The following ATG14 variants were observed in gnomAD, a reference collection of about 807,000 sequenced individuals.
ATG14 encodes beclin 1-associated autophagy-related key regulator.
Under a neutral mutation model 60.4 loss-of-function variants are expected in ATG14, and 35 were observed. The observed-to-expected ratio is 0.58, with a 90% CI of 0.44 to 0.77. The LOEUF is 0.77. Ranked by LOEUF, ATG14 falls within the 30% of genes least tolerant of loss-of-function variation. ATG14 has a pLI of 0.00. For synonymous variants in ATG14, 234 were observed against 228.8 expected, an observed-to-expected ratio of 1.02 and a Z score of -0.21; for missense variants, 647 against 626.3, an observed-to-expected ratio of 1.03 and a Z score of -0.35.
Position 55,369,782 on chromosome 14 carries a change from G to C in ATG14, c.1316C>G (p.Pro439Arg), listed in dbSNP as rs1197749036. 2.5e-6 allele frequency: 4 copies of C among 1,614,184 alleles called. No homozygotes were observed. The highest frequency in any genetic ancestry group is 2.2e-5 in the South Asian group (2 of 91,078). Residue 439 changes from proline (P) to arginine (R), a missense_variant, in exon 10 of 10, where the codon CCT becomes CGT. Physicochemically the swap from Pro to Arg is moderately radical, Grantham distance 103. Coordinates refer to ENST00000247178, the MANE Select transcript of ATG14 (RefSeq NM_014924.5). ...TDLGTDWENL[P>R]SPRFCDIPSQ... Reference sequence around the variant, plus strand: ...AGGGATATCACAAAACCGGGGACTAGGCAAGTTCTCCCAGTCTGTGCCCAG... The same window carrying C: ...AGGGATATCACAAAACCGGGGACTACGCAAGTTCTCCCAGTCTGTGCCCAG...
intron 4 of ATG14, among the ~76,000 whole-genome samples, chr14:55,388,937 G>T (rs1024970871): frequency 2.0e-4 from 31 of 152,106 alleles, no homozygotes; most frequent in African/African-American, 7.5e-4. Flanking sequence ...TACAGAGTAA[G>T]CACGTTGAAG....
chr14:55,381,663 C>T lies in ATG14; in HGVS notation c.877+299G>A, dbSNP rs186606732. Among the ~76,000 whole-genome samples, 618 of 152,274 alleles carry T rather than the reference C, an allele frequency of 4.1e-3. 1 individual carries two copies. The highest frequency in any genetic ancestry group is 5.9e-3 in the Non-Finnish European group (401 of 68,030). On this transcript the variant is annotated intron_variant, in intron 6 of 9. Coordinates refer to ENST00000247178, the MANE Select transcript of ATG14 (RefSeq NM_014924.5). ...AGTCTGACACAAAAAGCTATATGTT[C>T]TGTGATTCCATTTATATAAGCTGCC... is the stretch of plus-strand genomic sequence containing the variant.
rs554503349 is a variant in ATG14 at position 55,397,427 on chromosome 14, C to T, written c.229G>A (p.Asp77Asn). The stretch of plus-strand genomic sequence containing the variant: ...AGTCGGCTTAACCTTTCCTTCTTGT[C>T]GATAAACCTGTAACAAAAAAATTCA... ...FDGRDRERFIDKKERLSRLKS... is the reference protein window; with the variant it reads ...FDGRDRERFINKKERLSRLKS... The change falls in exon 2 of 10, where the codon GAC (aspartate) becomes AAC (asparagine). Residue 77 changes from aspartate to asparagine, a missense_variant. Physicochemically the swap from Asp to Asn is conservative, Grantham distance 23. Coordinates refer to ENST00000247178, the MANE Select transcript of ATG14 (RefSeq NM_014924.5). The T allele has an allele frequency of 3.0e-5, 48 of 1,612,252 alleles. No individual in the cohort carries two copies. The highest frequency in any genetic ancestry group is 1.6e-4 in the Middle Eastern group (1 of 6,078).
chr14:55,378,412 A>G (rs970723349), intron 7 of ATG14, among the ~76,000 whole-genome samples: 1 of 152,226 alleles, frequency 6.6e-6, no homozygotes, highest in African/African-American at 2.4e-5. Context: ...CCTTTACAGA[A>G]AGGCAAACTA....
intron 9 of ATG14, among the ~76,000 whole-genome samples, chr14:55,375,351 CAG>C (rs1377542019): frequency 2.0e-5 from 3 of 152,154 alleles, no homozygotes; most frequent in African/African-American, 4.8e-5. Context: ...TGTGAAGAGA[CAG>C]GGCTTCATTC....
Position 55,380,611 on chromosome 14 carries a change from A to T in ATG14, c.957T>A (p.His319Gln). 6.2e-7 allele frequency: 1 copy of T among 1,613,292 alleles called. No individual in the cohort carries two copies. Among genetic ancestry groups the T allele is most frequent in the South Asian group, 1.1e-5 (1 of 90,852 alleles). ...TTTTGGGAAGATTTACATCAAGTAT[A>T]TGAGACAGAATGTTGACCAGCTGAG... ...YATQLVNILS[H>Q]ILDVNLPKKL... The change falls in exon 7 of 10, where the codon CAT becomes CAA. Residue 319 changes from histidine (H) to glutamine (Q), a missense_variant. Coordinates refer to ENST00000247178, the MANE Select transcript of ATG14 (RefSeq NM_014924.5).
At chr14:55,390,830 T>G in intron 4 of ATG14, 81 bp downstream of exon 4, 1 of 967,310 alleles carries the variant, frequency 1.0e-6, no homozygotes, top group Non-Finnish European at 1.6e-6. Flanking sequence ...CCTTCCTTTC[T>G]GTGTCCCTCT....
intron 5 of ATG14, among the ~76,000 whole-genome samples, chr14:55,385,008 T>C (rs1172231938): frequency 6.6e-6 from 1 of 152,228 alleles, no homozygotes; most frequent in Non-Finnish European, 1.5e-5. Flanking sequence ...GGGTTATCCA[T>C]GCACTACCGC....
At chr14:55,399,865 C>T (rs1363615908) in intron 1 of ATG14, among the ~76,000 whole-genome samples, 2 of 152,210 alleles carry the variant, frequency 1.3e-5, no homozygotes, top group Non-Finnish European at 2.9e-5. Context: ...AGACAGACAA[C>T]TGTGTCTAGC....
chr14:55,410,718 A>C (rs1885557729), intron 1 of ATG14, among the ~76,000 whole-genome samples: 1 of 152,234 alleles, frequency 6.6e-6, no homozygotes, highest in South Asian at 2.1e-4. Flanking sequence ...CAAAGCACTT[A>C]CTGTGCAGCT....
intron 1 of ATG14, among the ~76,000 whole-genome samples, chr14:55,411,367 G>A (rs1885568431): frequency 6.6e-6 from 1 of 152,196 alleles, no homozygotes; most frequent in Admixed American, 6.5e-5. Context: ...AGAGCACCGT[G>A]GGGTCAAACT....
At chr14:55,400,228 AGTC>A (rs1885374918) in intron 1 of ATG14, among the ~76,000 whole-genome samples, 1 of 152,180 alleles carries the variant, frequency 6.6e-6, no homozygotes, top group Non-Finnish European at 1.5e-5. Flanking sequence ...TCATTCCACA[AGTC>A]TGTGCTTTCT....
intron 4 of ATG14, among the ~76,000 whole-genome samples, chr14:55,386,966 G>A (rs550086714): frequency 1.3e-5 from 2 of 152,202 alleles, no homozygotes; most frequent in African/African-American, 4.8e-5. Flanking sequence ...TATTTTTGAC[G>A]TGTCCACTGC....
chr14:55,368,917 C>T lies in ATG14; in HGVS notation c.*702G>A, dbSNP rs1001013810. ...CAGAATACAAGAAAATAGTTAAAAA[C>T]TCTCTAGACATTATTGCAGCCAGGA... On this transcript the variant is annotated 3_prime_UTR_variant, in exon 10 of 10. Transcript: ENST00000247178. The T allele has an allele frequency of 5.9e-5, 9 of 152,614 alleles. No homozygotes were observed. The highest frequency in any genetic ancestry group is 1.2e-4 in the African/African-American group (5 of 41,562). The allele number at this position is 152,614 out of a possible 1,614,324, so 9.5% of individuals were successfully genotyped here.
Position 55,369,796 on chromosome 14 carries a change from G to T in ATG14, c.1302C>A (p.Asp434Glu). Reference protein sequence around the residue: ...VSDEETDLGTDWENLPSPRFC... With the variant: ...VSDEETDLGTEWENLPSPRFC... ...ACCGGGGACTAGGCAAGTTCTCCCA[G>T]TCTGTGCCCAGGTCGGTTTCTTCAT... is the stretch of plus-strand genomic sequence containing the variant. The change falls in exon 10 of 10, where the codon GAC becomes GAA. Residue 434 changes from aspartate to glutamate, a missense_variant. Physicochemically the swap from Asp to Glu is conservative, Grantham distance 45. Transcript: ENST00000247178. 1 of 1,614,208 alleles carries T rather than the reference G, an allele frequency of 6.2e-7. No homozygotes were observed. Among genetic ancestry groups the T allele is most frequent in the Non-Finnish European group, 8.5e-7 (1 of 1,180,032 alleles).
chr14:55,400,904 A>G (rs1020300797), intron 1 of ATG14, among the ~76,000 whole-genome samples: 2 of 144,144 alleles, frequency 1.4e-5, no homozygotes, highest in African/African-American at 5.2e-5. Flanking sequence ...ACTGTCTCAA[A>G]TAAATAAATA....
intron 1 of ATG14, among the ~76,000 whole-genome samples, chr14:55,397,852 T>C (rs1885336861): frequency 1.3e-5 from 2 of 152,070 alleles, no homozygotes; most frequent in East Asian, 3.8e-4. Flanking sequence ...AATTGTAGAC[T>C]TTTTTTCACT....
In ATG14 at chr14:55,397,291, A is replaced by G. The variant is rs1885329026; in HGVS notation, c.284+81T>C. The G allele has an allele frequency of 1.8e-5, 21 of 1,184,922 alleles. No individual in the cohort carries two copies. The South Asian group carries it at 2.6e-4, about 15-fold the overall frequency. 73.4% of individuals were successfully genotyped at this position (1,184,922 alleles called of 1,614,324 possible). ...AATTCAGTAAGTTAGCAATCCGTAT[A>G]TCTGCATACCACAGCACTGAATTCA... is the stretch of plus-strand genomic sequence containing the variant. On this transcript the variant is annotated intron_variant, in intron 2 of 9. Transcript: ENST00000247178.
chr14:55,370,159 C>T (rs2140115573), intron 9 of ATG14, among the ~76,000 whole-genome samples: 1 of 152,314 alleles, frequency 6.6e-6, no homozygotes, highest in South Asian at 2.1e-4. Flanking sequence ...ACAAGTCTGC[C>T]TACTTCATTG....
Sources: allele counts gnomAD v4.1 joint callset (sites outside exome capture counted in the v4.1 genomes callset), GRCh38; gene constraint gnomAD v4.1.1; transcripts MANE v1.5; gene names NCBI Gene and HGNC (gene_info 2026-07-23, HGNC 2026-07-21).